FGF13: variants seen among roughly 807,000 people sequenced by gnomAD.
FGF13 encodes fibroblast growth factor 13.
FGF13 carries 2 observed loss-of-function variants against 19.5 expected under a neutral mutation model. The observed-to-expected ratio is 0.10, with a 90% CI of 0.04 to 0.32. FGF13 has a LOEUF of 0.32. Among genes scored for constraint, FGF13 ranks in the 10% least tolerant of loss-of-function variants. FGF13 has a pLI of 1.00. For missense variants in FGF13, 113 were observed against 192.7 expected (o/e 0.59, Z 2.45); for synonymous variants, 72 against 76.9 (o/e 0.94, Z 0.33).
intron 1 of FGF13, among the ~76,000 whole-genome samples, chrX:138,888,630 T>A (rs1175768312): frequency 9.1e-6 from 1 of 109,601 alleles, no homozygotes; most frequent in Non-Finnish European, 1.9e-5. Context: ...GTGTTGTCTT[T>A]GCTTGCTTCC....
At chrX:138,776,354 G>A (rs139877069) in intron 3 of FGF13, among the ~76,000 whole-genome samples, 3,207 of 112,009 alleles carry the variant, frequency 0.029, 94 homozygotes, top group African/African-American at 0.081. Context: ...TTAATATCTC[G>A]TAAGAACCTT....
chrX:139,160,717 C>T (rs1043012419), intron 1 of FGF13, among the ~76,000 whole-genome samples: 2 of 112,008 alleles, frequency 1.8e-5, no homozygotes, highest in Non-Finnish European at 3.8e-5. Context: ...ACTATAAACA[C>T]CTCTATGCAA....
intron 1 of FGF13, among the ~76,000 whole-genome samples, chrX:139,044,575 C>A (rs1410239593): frequency 9.0e-6 from 1 of 111,235 alleles, no homozygotes; most frequent in Admixed American, 9.5e-5. Context: ...TGGCCCCTCC[C>A]AAACCTCATG....
intron 1 of FGF13, among the ~76,000 whole-genome samples, chrX:139,107,861 T>C (rs1246091399): frequency 9.1e-6 from 1 of 109,831 alleles, no homozygotes; most frequent in Non-Finnish European, 1.9e-5. Context: ...TTCATGAAAA[T>C]ACTGTAGTGA....
intron 1 of FGF13, among the ~76,000 whole-genome samples, chrX:138,936,683 C>G (rs1243609930): frequency 3.6e-5 from 4 of 111,975 alleles, no homozygotes; most frequent in Non-Finnish European, 7.5e-5. Flanking sequence ...TTCATTAACT[C>G]ATTCAATAAA....
rs754263920 is a variant in FGF13 at position 138,708,918 on chromosome X, A to G, written c.198T>C (p.Leu66=). The G allele has an allele frequency of 1.7e-6, 2 of 1,170,750 alleles. No homozygotes were observed. The highest frequency in any genetic ancestry group is 6.0e-5 in the East Asian group (2 of 33,495). Residue 66 remains leucine (L), a synonymous_variant, in exon 2 of 5, where the codon CTT becomes CTC. Coordinates refer to ENST00000315930, the MANE Select transcript of FGF13 (RefSeq NM_004114.5). ...KRRRRRPEPQ[L]KGIVTKLYSR... The stretch of plus-strand genomic sequence containing the variant: ...TGTATAGCTTGGTAACTATACCCTT[A>G]AGCTGAGGCTCTGCAAAGAGAACAA...
At chrX:139,028,630 AGAGAGT>A (rs1569443926) in intron 1 of FGF13, among the ~76,000 whole-genome samples, 53 of 36,768 alleles carry the variant, frequency 1.4e-3, no homozygotes, top group African/African-American at 4.8e-3. Context: ...AGAGAGAGAG[AGAGAGT>A]GTGTGTGTGT....
At chrX:139,090,869 G>A (rs1033665045) in intron 1 of FGF13, among the ~76,000 whole-genome samples, 12 of 104,705 alleles carry the variant, frequency 1.1e-4, no homozygotes, top group African/African-American at 3.9e-4. Context: ...TTGAGCCCGG[G>A]AGGTTGAGGC....
chrX:139,079,989 CCAT>C (rs59209433), intron 1 of FGF13, among the ~76,000 whole-genome samples: 24,873 of 106,311 alleles, frequency 0.23, 3,175 homozygotes, highest in African/African-American at 0.45. Flanking sequence ...GTCATCATCA[CCAT>C]CATCATCATC....
At chrX:138,648,847 C>T (rs1472569179) in intron 3 of FGF13, among the ~76,000 whole-genome samples, 1 of 111,622 alleles carries the variant, frequency 9.0e-6, no homozygotes, top group Non-Finnish European at 1.9e-5. Flanking sequence ...CCAGGCTCAG[C>T]TTTGACAGGA....
intron 1 of FGF13, among the ~76,000 whole-genome samples, chrX:138,721,903 T>C (rs1449575799): frequency 9.0e-6 from 1 of 110,827 alleles, no homozygotes; most frequent in Non-Finnish European, 1.9e-5. Flanking sequence ...GTTCTGATCA[T>C]ATCTTAAGAG....
At chrX:138,767,179 T>C (rs993588157) in intron 3 of FGF13, among the ~76,000 whole-genome samples, 2 of 112,064 alleles carry the variant, frequency 1.8e-5, no homozygotes, top group African/African-American at 6.5e-5. Flanking sequence ...GATTCAGGAA[T>C]TGGGATTGCC....
intron 1 of FGF13, among the ~76,000 whole-genome samples, chrX:139,123,817 C>T (rs2083694969): frequency 8.9e-6 from 1 of 111,952 alleles, no homozygotes; most frequent in Admixed American, 9.4e-5. Context: ...AAATTAAGGC[C>T]CAGTATTATG....
chrX:138,850,123 G>T (rs1359704784), intron 3 of FGF13, among the ~76,000 whole-genome samples: 1 of 111,283 alleles, frequency 9.0e-6, no homozygotes, highest in East Asian at 2.8e-4. Context: ...AAAAGTGAAT[G>T]ATATTTTAAA....
chrX:138,785,563 G>C (rs1263150913), intron 3 of FGF13, among the ~76,000 whole-genome samples: 2 of 109,218 alleles, frequency 1.8e-5, no homozygotes, highest in Non-Finnish European at 3.8e-5. Context: ...ATTTACTTGA[G>C]CTCCCAGCAG....
At chrX:138,965,485 TC>T (rs2091891107) in intron 1 of FGF13, among the ~76,000 whole-genome samples, 3 of 111,786 alleles carry the variant, frequency 2.7e-5, no homozygotes, top group Non-Finnish European at 5.6e-5. Context: ...GTAATGAACA[TC>T]CAGGTGCCCG....
intron 3 of FGF13, among the ~76,000 whole-genome samples, chrX:138,825,631 T>C (rs996388560): frequency 1.8e-5 from 2 of 111,869 alleles, no homozygotes; most frequent in Admixed American, 9.6e-5. Context: ...ACAAGCTGTG[T>C]GACCTCAGGC....
chrX:138,633,608 C>A lies in FGF13; in HGVS notation c.602-622G>T, dbSNP rs186567700. ...TCAAGAGTCTAAGTATTGGATAATT[C>A]TTGGTACAGTAAATGGTAAAATTTA... On this transcript the variant is annotated intron_variant, in intron 4 of 4. Coordinates refer to ENST00000315930, the MANE Select transcript of FGF13 (RefSeq NM_004114.5). Among the ~76,000 whole-genome samples, 15 of 111,768 alleles carry A rather than the reference C, an allele frequency of 1.3e-4. No homozygotes were observed. The East Asian group carries it at 4.2e-3, about 31-fold the overall frequency.
At chrX:138,920,935 C>T (rs1442000589) in intron 1 of FGF13, among the ~76,000 whole-genome samples, 1 of 111,650 alleles carries the variant, frequency 9.0e-6, no homozygotes, top group African/African-American at 3.2e-5. Context: ...CTCTTAAGAG[C>T]ATGGATTTTA....
Sources: allele counts gnomAD v4.1 joint callset (sites outside exome capture counted in the v4.1 genomes callset), GRCh38; gene constraint gnomAD v4.1.1; transcripts MANE v1.5; gene names NCBI Gene and HGNC (gene_info 2026-07-23, HGNC 2026-07-21).